Variants in PTPRT observed in about 807,000 individuals in gnomAD.
The protein encoded by PTPRT is receptor-type tyrosine-protein phosphatase T.
A neutral mutation model predicts 176.8 loss-of-function variants in PTPRT; 56 were observed. The observed-to-expected ratio is 0.32, with a 90% CI of 0.26 to 0.40. The LOEUF (loss-of-function observed/expected upper bound fraction) is 0.40. PTPRT is among the 10% of genes least tolerant of loss of function. PTPRT has a pLI of 1.00. For synonymous variants in PTPRT, 783 were observed against 739.0 expected (o/e 1.06, Z -0.96); for missense variants, 1,540 against 1,908.2 (o/e 0.81, Z 3.60).
intron 13 of PTPRT, among the ~76,000 whole-genome samples, chr20:42,270,664 C>T (rs1235258417): frequency 6.6e-6 from 1 of 152,204 alleles, no homozygotes; most frequent in Admixed American, 6.5e-5. Flanking sequence ...CACCACTTAT[C>T]AAGCACCCAC....
intron 1 of PTPRT, among the ~76,000 whole-genome samples, chr20:42,902,460 C>A (rs1284760147): frequency 1.3e-5 from 2 of 152,118 alleles, no homozygotes; most frequent in Non-Finnish European, 2.9e-5. Context: ...GGTGCTCCCA[C>A]CTTGGCCCAG....
intron 6 of PTPRT, among the ~76,000 whole-genome samples, chr20:42,697,949 A>G (rs1031309153): frequency 3.3e-5 from 5 of 152,168 alleles, no homozygotes; most frequent in Non-Finnish European, 7.3e-5. Flanking sequence ...ACATATAACA[A>G]AGAACACACA....
At position 42,106,969 on chromosome 20, in the gene PTPRT, T is replaced by C. The variant is rs369760129; in HGVS notation, c.3255-48A>G. 1.7e-5 allele frequency: 27 copies of C among 1,594,834 alleles called. No homozygotes were observed. In the African/African-American group the frequency reaches 3.1e-4, roughly 18 times the overall value. On this transcript the variant is annotated intron_variant, in intron 23 of 30. Transcript: ENST00000373187. The stretch of plus-strand genomic sequence containing the variant: ...GTTAAGGATCTTCATGGGGGGAACC[T>C]GCCCTGGGGAGGCCCCTAGCATTCA...
chr20:43,093,802 C>A (rs772158958), intron 1 of PTPRT, among the ~76,000 whole-genome samples: 1 of 152,176 alleles, frequency 6.6e-6, no homozygotes, highest in Non-Finnish European at 1.5e-5. Flanking sequence ...CCAGCCATGA[C>A]GATATTCCTC....
chr20:42,159,561 A>T (rs961155412), intron 17 of PTPRT, among the ~76,000 whole-genome samples: 4 of 152,048 alleles, frequency 2.6e-5, no homozygotes, highest in African/African-American at 9.7e-5. Context: ...GGACCATTCA[A>T]CCCCCTAGGA....
chr20:43,089,514 C>T (rs1388595949), intron 1 of PTPRT, among the ~76,000 whole-genome samples: 1 of 152,222 alleles, frequency 6.6e-6, no homozygotes, highest in Non-Finnish European at 1.5e-5. Context: ...CCAAAACTCA[C>T]TGATATCCCA....
chr20:42,190,406 C>T (rs534606608), intron 16 of PTPRT, among the ~76,000 whole-genome samples: 1 of 152,278 alleles, frequency 6.6e-6, no homozygotes, highest in Admixed American at 6.5e-5. Context: ...TGGGCTTTAG[C>T]ACCCTTCAGG....
chr20:42,968,166 G>T (rs537516536), intron 1 of PTPRT, among the ~76,000 whole-genome samples: 1 of 152,154 alleles, frequency 6.6e-6, no homozygotes, highest in East Asian at 1.9e-4. Context: ...ACTTCCTTTA[G>T]CTCTTCCCTC....
At chr20:42,373,831 A>C (rs531510001) in intron 9 of PTPRT, among the ~76,000 whole-genome samples, 76 of 152,322 alleles carry the variant, frequency 5.0e-4, no homozygotes, top group African/African-American at 1.7e-3. Flanking sequence ...ACCACCCTAC[A>C]GTTCATGAAT....
intron 7 of PTPRT, among the ~76,000 whole-genome samples, chr20:42,596,870 G>A (rs1447455390): frequency 1.3e-5 from 2 of 152,342 alleles, no homozygotes; most frequent in South Asian, 2.1e-4. Flanking sequence ...TCTCATAATG[G>A]TTGGAAGTGT....
At chr20:42,264,741 G>A (rs889446630) in intron 13 of PTPRT, among the ~76,000 whole-genome samples, 1 of 152,208 alleles carries the variant, frequency 6.6e-6, no homozygotes, top group Admixed American at 6.5e-5. Flanking sequence ...CAGGAGCTGG[G>A]GTTGCTGTGC....
intron 1 of PTPRT, among the ~76,000 whole-genome samples, chr20:43,132,742 C>T (rs936923058): frequency 2.6e-5 from 4 of 151,936 alleles, no homozygotes; most frequent in Admixed American, 2.6e-4. Context: ...TAGACACAGG[C>T]CAATATGGAA....
chr20:42,880,549 C>T (rs73907291), intron 2 of PTPRT, among the ~76,000 whole-genome samples: 3,979 of 152,268 alleles, frequency 0.026, 108 homozygotes, highest in African/African-American at 0.068. Flanking sequence ...CTTCCTTCAG[C>T]CCCCAGGATG....
chr20:42,178,153 T>C (rs774810619), intron 16 of PTPRT, among the ~76,000 whole-genome samples: 1 of 152,062 alleles, frequency 6.6e-6, no homozygotes, highest in Non-Finnish European at 1.5e-5. Context: ...GGCCAGGCTG[T>C]TCTCGAACTC....
At chr20:43,005,825 T>C (rs1325869391) in intron 1 of PTPRT, among the ~76,000 whole-genome samples, 1 of 152,164 alleles carries the variant, frequency 6.6e-6, no homozygotes, top group Non-Finnish European at 1.5e-5. Context: ...TTTTCCTCAA[T>C]CCTCAGAAAA....
At chr20:42,409,231 C>G (rs984455399) in intron 9 of PTPRT, among the ~76,000 whole-genome samples, 2 of 151,870 alleles carry the variant, frequency 1.3e-5, no homozygotes, top group Non-Finnish European at 2.9e-5. Context: ...GCCTGTAATC[C>G]CAGAACTTTG....
At chr20:42,648,817 G>GTTTTTTTTTTTT (rs1439201331) in intron 7 of PTPRT, among the ~76,000 whole-genome samples, 5 of 109,940 alleles carry the variant, frequency 4.5e-5, no homozygotes, top group African/African-American at 2.3e-4. Context: ...TTTTGGTGTC[G>GTTTTTTTTTTTT]TTGTTTTTTT....
chr20:42,320,563 T>C (rs2057786072), intron 11 of PTPRT, among the ~76,000 whole-genome samples: 1 of 152,182 alleles, frequency 6.6e-6, no homozygotes, highest in Non-Finnish European at 1.5e-5. Context: ...GAGGCATGTC[T>C]GAGTTCAGGT....
intron 7 of PTPRT, among the ~76,000 whole-genome samples, chr20:42,541,974 T>G (rs1004934384): frequency 6.6e-6 from 1 of 152,156 alleles, no homozygotes; most frequent in Non-Finnish European, 1.5e-5. Context: ...ACGGACCTGA[T>G]GGGAAAAAAT....
Sources: gnomAD v4.1 joint callset for allele counts (sites outside exome capture counted in the v4.1 genomes callset) on GRCh38, gnomAD v4.1.1 for gene constraint, MANE v1.5 for transcripts, NCBI Gene and HGNC (gene_info 2026-07-23, HGNC 2026-07-21) for gene names.